Variants in DCAF7 observed in about 807,000 individuals in gnomAD.
The protein encoded by DCAF7 is DDB1- and CUL4-associated factor 7.
Under a neutral mutation model 41.2 loss-of-function variants are expected in DCAF7, and 4 were observed. The observed-to-expected ratio is 0.10, with a 90% confidence interval of 0.05 to 0.22. The LOEUF (loss-of-function observed/expected upper bound fraction) is 0.22. DCAF7 is among the 10% of genes least tolerant of loss of function. DCAF7 has a pLI of 1.00. For synonymous variants in DCAF7, 143 were observed against 164.2 expected, an observed-to-expected ratio of 0.87 and a Z score of 0.99; for missense variants, 131 against 443.2, an observed-to-expected ratio of 0.30 and a Z score of 6.32.
intron 1 of DCAF7, among the ~76,000 whole-genome samples, chr17:63,569,326 T>C (rs1300518616): frequency 1.3e-5 from 2 of 151,088 alleles, no homozygotes. Flanking sequence ...GGCTTTAACC[T>C]ACCAGTCCTC....
At chr17:63,582,610 C>T (rs188870320) in intron 4 of DCAF7, among the ~76,000 whole-genome samples, 12 of 152,016 alleles carry the variant, frequency 7.9e-5, no homozygotes, top group Admixed American at 2.6e-4. Flanking sequence ...CTGGGATTAC[C>T]GGCACCAGAC....
At chr17:63,581,723 G>A (rs532396820) in intron 4 of DCAF7, among the ~76,000 whole-genome samples, 6 of 152,310 alleles carry the variant, frequency 3.9e-5, no homozygotes, top group African/African-American at 1.4e-4. Flanking sequence ...AGACAGGCCT[G>A]GACCGGCAGC....
chr17:63,569,518 C>T (rs1179423793), intron 1 of DCAF7, among the ~76,000 whole-genome samples: 1 of 152,176 alleles, frequency 6.6e-6, no homozygotes, highest in Non-Finnish European at 1.5e-5. Flanking sequence ...AGGCCGTGCA[C>T]TCTCACATAG....
chr17:63,551,417 G>C (rs998019822), intron 1 of DCAF7, among the ~76,000 whole-genome samples: 2 of 151,530 alleles, frequency 1.3e-5, no homozygotes, highest in African/African-American at 4.8e-5. Flanking sequence ...TTGGCCTGTG[G>C]CATGATCCCG....
At chr17:63,556,827 C>G (rs569801904) in intron 1 of DCAF7, among the ~76,000 whole-genome samples, 2 of 152,154 alleles carry the variant, frequency 1.3e-5, no homozygotes, top group Non-Finnish European at 2.9e-5. Flanking sequence ...GATTGTGCCA[C>G]TGCACCAGCC....
intron 1 of DCAF7, among the ~76,000 whole-genome samples, chr17:63,563,968 C>T (rs2033411933): frequency 6.6e-6 from 1 of 152,010 alleles, no homozygotes; most frequent in South Asian, 2.1e-4. Context: ...ATTATTTTGT[C>T]AAATTAATAG....
chr17:63,569,777 A>G (rs565940752), intron 1 of DCAF7, among the ~76,000 whole-genome samples: 29 of 152,200 alleles, frequency 1.9e-4, no homozygotes, highest in Admixed American at 3.3e-4. Context: ...CAGTAGTACA[A>G]TCTTGGCTCA....
chr17:63,568,971 G>C (rs16946991), intron 1 of DCAF7, among the ~76,000 whole-genome samples: 1 of 152,146 alleles, frequency 6.6e-6, no homozygotes, highest in Non-Finnish European at 1.5e-5. Context: ...GGAGTGAATC[G>C]GTTAGCTCAG....
At chr17:63,559,365 A>ATATATATATGTGTATATATATG (rs2033348541) in intron 1 of DCAF7, among the ~76,000 whole-genome samples, 1 of 115,500 alleles carries the variant, frequency 8.7e-6, no homozygotes. Context: ...ATATGTATGT[A>ATATATATATGTGTATATATATG]TATATATATG....
intron 1 of DCAF7, among the ~76,000 whole-genome samples, chr17:63,552,983 A>G (rs929055386): frequency 2.0e-5 from 3 of 152,196 alleles, no homozygotes; most frequent in South Asian, 2.1e-4. Flanking sequence ...GCCTCCACCT[A>G]TCAGTAGATC....
intron 1 of DCAF7, among the ~76,000 whole-genome samples, chr17:63,559,390 T>A (rs2033351048): frequency 1.8e-5 from 1 of 54,932 alleles, no homozygotes; most frequent in Admixed American, 1.7e-4. Flanking sequence ...TATATATGTA[T>A]ATATATATGT....
At chr17:63,587,158 C>G (rs2033685882) in intron 6 of DCAF7, among the ~76,000 whole-genome samples, 1 of 152,114 alleles carries the variant, frequency 6.6e-6, no homozygotes, top group African/African-American at 2.4e-5. Context: ...GCCCAAGAAG[C>G]AATGTACTCT....
At chr17:63,559,507 TA>T (rs1343886934) in intron 1 of DCAF7, among the ~76,000 whole-genome samples, 1 of 147,600 alleles carries the variant, frequency 6.8e-6, no homozygotes, top group Non-Finnish European at 1.5e-5. Flanking sequence ...ATCTCTACCT[TA>T]AGCTTTGTAC....
At position 63,589,504 on chromosome 17, in the gene DCAF7, A is replaced by G. The variant is rs757087709; in HGVS notation, c.*332A>G. The G allele has an allele frequency of 2.4e-5, 9 of 372,688 alleles. 1 individual carries two copies. Among genetic ancestry groups the G allele is most frequent in the South Asian group, 8.6e-5 (4 of 46,552 alleles). 23.1% of individuals were successfully genotyped at this position (372,688 alleles called of 1,614,324 possible). A position where few individuals can be genotyped will look rare whatever the true frequency, so the allele number is the denominator to read the frequency against. On this transcript the variant is annotated 3_prime_UTR_variant, in exon 7 of 7. Coordinates refer to ENST00000614556, the MANE Select transcript of DCAF7 (RefSeq NM_005828.5). ...AGCAGTTCACGCACTGGCTGTGTCT[A>G]TTCCTCTGCCCAGGTGTCTCTGTTT...
chr17:63,588,189 A>ATTTTTT (rs377638787), intron 6 of DCAF7, among the ~76,000 whole-genome samples: 56 of 120,226 alleles, frequency 4.7e-4, no homozygotes, highest in African/African-American at 2.1e-3. Flanking sequence ...ATTTTCTTGG[A>ATTTTTT]TTTTTTTTTT....
chr17:63,588,537 T>C (rs1218928101), intron 6 of DCAF7, among the ~76,000 whole-genome samples: 1 of 152,082 alleles, frequency 6.6e-6, no homozygotes. Context: ...CACTACTTTA[T>C]CAGTCTTCTA....
intron 1 of DCAF7, among the ~76,000 whole-genome samples, chr17:63,567,854 A>AT (rs1432925020): frequency 6.6e-6 from 1 of 150,872 alleles, no homozygotes. Context: ...CAGAGATGGG[A>AT]TTTTGTCATG....
Position 63,591,080 on chromosome 17 carries a change from T to A in DCAF7, c.*1908T>A, listed in dbSNP as rs1282954263. The A allele has an allele frequency of 6.6e-6, 1 of 152,228 alleles. No homozygotes were observed. The highest frequency in any genetic ancestry group is 1.5e-5 in the Non-Finnish European group (1 of 68,068). 9.4% of individuals were successfully genotyped at this position (152,228 alleles called of 1,614,324 possible). ...CGTTTGGAGATACAAAGCGAGCAGT[T>A]CTTGGTCAGAACCCTCCTCTGCTTT... On this transcript the variant is annotated 3_prime_UTR_variant, in exon 7 of 7. Transcript: ENST00000614556.
chr17:63,563,129 G>A (rs935451423), intron 1 of DCAF7, among the ~76,000 whole-genome samples: 12 of 152,080 alleles, frequency 7.9e-5, no homozygotes, highest in Non-Finnish European at 1.2e-4. Context: ...CCTGCCTGGC[G>A]GAAAATATTT....
Sources: gnomAD v4.1 joint callset for allele counts (sites outside exome capture counted in the v4.1 genomes callset) on GRCh38, gnomAD v4.1.1 for gene constraint, MANE v1.5 for transcripts, NCBI Gene and HGNC (gene_info 2026-07-23, HGNC 2026-07-21) for gene names.